The following TINAG variants were observed in gnomAD, a reference collection of about 807,000 sequenced individuals.
TINAG encodes tubulointerstitial nephritis antigen.
A neutral mutation model predicts 72.7 loss-of-function variants in TINAG; 83 were observed. That is an observed-to-expected ratio of 1.14 (90% CI 0.96 to 1.37). The LOEUF is 1.37. TINAG is among the 40% of genes most tolerant of loss of function. The pLI is 0.00. For synonymous variants in TINAG, 234 were observed against 189.9 expected, an observed-to-expected ratio of 1.23 and a Z score of -1.91; for missense variants, 685 against 576.6, an observed-to-expected ratio of 1.19 and a Z score of -1.93.
At position 54,371,599 on chromosome 6, in the gene TINAG, A is replaced by G. The variant is rs147705628; in HGVS notation, c.1251-8927A>G. ...TATTTATTTAATTTTGACCTACCTT[A>G]CCTTGATTTCACAGGTAGATGAATA... On this transcript the variant is annotated intron_variant, in intron 9 of 10. Transcript: ENST00000259782. Among the ~76,000 whole-genome samples, 444 of 151,964 alleles carry G rather than the reference A, an allele frequency of 2.9e-3. 4 individuals carry two copies. Among genetic ancestry groups the G allele is most frequent in the African/African-American group, 0.01 (426 of 41,492 alleles).
intron 9 of TINAG, among the ~76,000 whole-genome samples, chr6:54,380,029 G>A (rs527503753): frequency 6.6e-6 from 1 of 152,040 alleles, no homozygotes; most frequent in African/African-American, 2.4e-5. Flanking sequence ...AACATGCAAT[G>A]TTTGGTTTTC....
intron 8 of TINAG, among the ~76,000 whole-genome samples, chr6:54,354,309 A>G (rs1785337555): frequency 6.6e-6 from 1 of 151,902 alleles, no homozygotes; most frequent in Non-Finnish European, 1.5e-5. Context: ...TAATATTCTA[A>G]ATAGCTAAAA....
At chr6:54,381,327 G>A (rs1184029450) in intron 10 of TINAG, among the ~76,000 whole-genome samples, 1 of 144,154 alleles carries the variant, frequency 6.9e-6, no homozygotes, top group Non-Finnish European at 1.5e-5. Context: ...ACAACAAGCT[G>A]GTCAATTGTC....
chr6:54,308,952 A>C, intron 1 of TINAG, 47 bp downstream of exon 1: 1 of 1,420,862 alleles, frequency 7.0e-7, no homozygotes, highest in Non-Finnish European at 9.5e-7. Context: ...TCATAACAAC[A>C]AGATCTGACA....
rs142875806 is a variant in TINAG at position 54,317,844 on chromosome 6, G to A, written c.356-2735G>A. On this transcript the variant is annotated intron_variant, in intron 1 of 10. Coordinates refer to ENST00000259782, the MANE Select transcript of TINAG (RefSeq NM_014464.4). ...ATCAACCCATTCCTACAGGATGTCA[G>A]CTCCCTGCTACTTCACTGAAATCTC... Among the ~76,000 whole-genome samples the A allele has an allele frequency of 3.8e-3, 580 of 151,992 alleles. 5 individuals carry two copies. The highest frequency in any genetic ancestry group is 0.012 in the African/African-American group (486 of 41,474).
At position 54,330,703 on chromosome 6, in the gene TINAG, C is replaced by T. The variant is rs376729545; in HGVS notation, c.624+3787C>T. ...GAAAAGATTAACAAAACAGATAGAC[C>T]GCTAGCCAGATTAATAAAGAAGAAA... On this transcript the variant is annotated intron_variant, in intron 4 of 10. Coordinates refer to ENST00000259782, the MANE Select transcript of TINAG (RefSeq NM_014464.4). Among the ~76,000 whole-genome samples the T allele has an allele frequency of 3.0e-4, 45 of 151,986 alleles. No homozygotes were observed. In the East Asian group the frequency reaches 3.5e-3, roughly 12 times the overall value.
Position 54,326,877 on chromosome 6 carries a change from G to T in TINAG, c.585G>T (p.Leu195Phe). ...EDGFKFRLGT[L>F]PPSPMLLSMN... Reference sequence around the variant, plus strand: ...GTTTTAAATTTCGCCTTGGCACTTTGCCACCTAGTCCCATGCTCCTGAGCA... The same window carrying T: ...GTTTTAAATTTCGCCTTGGCACTTTTCCACCTAGTCCCATGCTCCTGAGCA... The change falls in exon 4 of 11, where the codon TTG becomes TTT. Residue 195 changes from leucine to phenylalanine, a missense_variant. Leu to Phe is a conservative substitution (Grantham distance 22). Transcript: ENST00000259782. The T allele has an allele frequency of 6.2e-7, 1 of 1,612,970 alleles. No individual in the cohort carries two copies. The highest frequency in any genetic ancestry group is 2.2e-5 in the East Asian group (1 of 44,826).
chr6:54,387,934 C>A (rs1174324489), intron 10 of TINAG, among the ~76,000 whole-genome samples: 1 of 152,114 alleles, frequency 6.6e-6, no homozygotes, highest in Non-Finnish European at 1.5e-5. Context: ...CAGTGTCTTA[C>A]TCTTTATAAT....
intron 3 of TINAG, among the ~76,000 whole-genome samples, chr6:54,326,379 A>G (rs1487192019): frequency 6.6e-6 from 1 of 151,906 alleles, no homozygotes; most frequent in Non-Finnish European, 1.5e-5. Flanking sequence ...TTTTTCATGC[A>G]TACTTTTTTA....
Position 54,315,514 on chromosome 6 carries a change from T to C in TINAG, c.356-5065T>C, listed in dbSNP as rs199617715. On this transcript the variant is annotated intron_variant, in intron 1 of 10. Transcript: ENST00000259782. ...AAGACCTCATCCCCACCAACAACAA[T>C]AAAAAAAATAAAAATTAGCCAGTCA... 4.6e-5 allele frequency among the ~76,000 whole-genome samples: 7 copies of C among 150,654 alleles called. No homozygotes were observed. In the East Asian group the frequency reaches 1.4e-3, roughly 29 times the overall value.
intron 9 of TINAG, among the ~76,000 whole-genome samples, chr6:54,355,735 G>A (rs1763016409): frequency 6.6e-6 from 1 of 150,788 alleles, no homozygotes; most frequent in African/African-American, 2.4e-5. Flanking sequence ...GTGTGTGTGT[G>A]TGTGTGTGTG....
intron 1 of TINAG, among the ~76,000 whole-genome samples, chr6:54,312,102 G>T (rs1784272648): frequency 6.6e-6 from 1 of 151,662 alleles, no homozygotes; most frequent in Admixed American, 6.6e-5. Context: ...TGTCACCCAG[G>T]CTGAAGTACA....
At chr6:54,360,296 T>A (rs1235742238) in intron 9 of TINAG, among the ~76,000 whole-genome samples, 1 of 151,722 alleles carries the variant, frequency 6.6e-6, no homozygotes, top group Non-Finnish European at 1.5e-5. Context: ...TGGCTATAGA[T>A]GCATTTAATT....
rs746035788 is a variant in TINAG at position 54,349,776 on chromosome 6, T to C, written c.960T>C (p.Cys320=). 3 of 1,606,040 alleles carry C rather than the reference T, an allele frequency of 1.9e-6. No homozygotes were observed. The highest frequency in any genetic ancestry group is 2.6e-6 in the Non-Finnish European group (3 of 1,175,030). ...FKDQNATNNG[C]AMASRSDGRG... is the part of the protein sequence containing the mutation. ...ACCAAAATGCTACCAACAATGGATG[T>C]GCCATGGCAAGCAGGTCTGATGGGC... is the stretch of plus-strand genomic sequence containing the variant. Residue 320 remains cysteine (C), a synonymous_variant, in exon 7 of 11, where the codon TGT becomes TGC. Coordinates refer to ENST00000259782, the MANE Select transcript of TINAG (RefSeq NM_014464.4).
chr6:54,361,146 C>A (rs551950564), intron 9 of TINAG, among the ~76,000 whole-genome samples: 16 of 151,174 alleles, frequency 1.1e-4, no homozygotes, highest in Non-Finnish European at 2.1e-4. Flanking sequence ...ATCAATGGGG[C>A]GTTCTCCCTT....
At chr6:54,371,852 A>G (rs1763617931) in intron 9 of TINAG, among the ~76,000 whole-genome samples, 1 of 152,116 alleles carries the variant, frequency 6.6e-6, no homozygotes, top group South Asian at 2.1e-4. Flanking sequence ...GATGCAGTGC[A>G]TGAACAATTG....
chr6:54,380,489 T>C lies in TINAG; in HGVS notation c.1251-37T>C, dbSNP rs1456122601. On this transcript the variant is annotated intron_variant, in intron 9 of 10. Transcript: ENST00000259782. Reference sequence around the variant, plus strand: ...CTCTCAAGAAGCAAACCAAACATTTTAACCATACCAATCTTTATTATTGTT... The same window carrying C: ...CTCTCAAGAAGCAAACCAAACATTTCAACCATACCAATCTTTATTATTGTT... 6.3e-6 allele frequency: 10 copies of C among 1,575,506 alleles called. No individual in the cohort carries two copies. The Middle Eastern group carries it at 5.0e-4, about 79-fold the overall frequency.
intron 9 of TINAG, among the ~76,000 whole-genome samples, chr6:54,363,678 A>T (rs1763315419): frequency 6.6e-6 from 1 of 151,376 alleles, no homozygotes; most frequent in South Asian, 2.1e-4. Context: ...AAAGTTGAGC[A>T]TGGGTAGGGC....
At position 54,343,305 on chromosome 6, in the gene TINAG, T is replaced by C; in HGVS notation, c.704T>C (p.Leu235Ser). 6.4e-7 allele frequency: 1 copy of C among 1,570,908 alleles called. No individual in the cohort carries two copies. Among genetic ancestry groups the C allele is most frequent in the South Asian group, 1.2e-5 (1 of 82,410 alleles). The change falls in exon 5 of 11, where the codon TTG (leucine) becomes TCG (serine). Residue 235 changes from leucine (L) to serine (S), a missense_variant. Transcript: ENST00000259782. ...TGGCCTGGATGGACTCATGGCCCAT[T>C]GGATCAAAAAAATTGTGCTGCATCC... is the stretch of plus-strand genomic sequence containing the variant. ...YKWPGWTHGP[L>S]DQKNCAASWA...
Sources: gnomAD v4.1 joint callset for allele counts (sites outside exome capture counted in the v4.1 genomes callset) on GRCh38, gnomAD v4.1.1 for gene constraint, MANE v1.5 for transcripts, NCBI Gene and HGNC (gene_info 2026-07-23, HGNC 2026-07-21) for gene names.